Variants in CAMTA1 observed in about 807,000 individuals in gnomAD.
CAMTA1 encodes calmodulin binding transcription activator 1.
Under a neutral mutation model 170.9 loss-of-function variants are expected in CAMTA1, and 27 were observed. The observed-to-expected ratio is 0.16, with a 90% CI of 0.12 to 0.22. The LOEUF is 0.22. CAMTA1 is among the 10% of genes least tolerant of loss of function. CAMTA1 has a pLI of 1.00. For missense variants in CAMTA1, 1,619 were observed against 2,217.2 expected, an observed-to-expected ratio of 0.73 and a Z score of 5.42; for synonymous variants, 833 against 891.5, an observed-to-expected ratio of 0.93 and a Z score of 1.17.
intron 16 of CAMTA1, among the ~76,000 whole-genome samples, chr1:7,743,025 T>G (rs1306282255): frequency 2.0e-5 from 3 of 151,944 alleles, no homozygotes; most frequent in African/African-American, 4.8e-5. Context: ...ATTTTGGGGG[T>G]TTTTTTGGGT....
intron 4 of CAMTA1, among the ~76,000 whole-genome samples, chr1:7,171,144 T>A (rs1209309662): frequency 6.6e-6 from 1 of 151,940 alleles, no homozygotes; most frequent in African/African-American, 2.4e-5. Flanking sequence ...TGAAAAATGT[T>A]TTCAACCTGT....
chr1:7,283,130 A>T (rs1373690046), intron 5 of CAMTA1, among the ~76,000 whole-genome samples: 1 of 152,172 alleles, frequency 6.6e-6, no homozygotes, highest in African/African-American at 2.4e-5. Flanking sequence ...ACGAAAAAAA[A>T]TCTCTAACCT....
chr1:7,163,594 A>G lies in CAMTA1; in HGVS notation c.302+72223A>G, dbSNP rs556382969. ...ATTGGTAACAGGGAACAAGGAGGAC[A>G]TCAATTTAGCTCTAGGCTCTGCAAT... is the stretch of plus-strand genomic sequence containing the variant. On this transcript the variant is annotated intron_variant, in intron 4 of 22. Transcript: ENST00000303635. Among the ~76,000 whole-genome samples the G allele has an allele frequency of 1.4e-4, 22 of 152,300 alleles. No individual in the cohort carries two copies. In the South Asian group the frequency reaches 4.6e-3, roughly 32 times the overall value.
At chr1:7,408,030 G>T (rs542395703) in intron 5 of CAMTA1, among the ~76,000 whole-genome samples, 2 of 152,186 alleles carry the variant, frequency 1.3e-5, no homozygotes, top group Non-Finnish European at 2.9e-5. Context: ...GTGGGAGAAA[G>T]GTTGGAAGCA....
intron 11 of CAMTA1, among the ~76,000 whole-genome samples, chr1:7,704,131 C>A (rs929845690): frequency 6.6e-6 from 1 of 151,220 alleles, no homozygotes; most frequent in African/African-American, 2.4e-5. Flanking sequence ...TGCGCAGCGC[C>A]GGCTCCTCCC....
chr1:7,276,304 T>TATATATATATATATATATATATATA, intron 5 of CAMTA1, among the ~76,000 whole-genome samples: 1 of 14,942 alleles, frequency 6.7e-5, no homozygotes. Context: ...TATATATATA[T>TATATATATATATATATATATATATA]TTTTTTTTTT....
At chr1:6,930,707 G>A (rs533474574) in intron 3 of CAMTA1, among the ~76,000 whole-genome samples, 1 of 152,332 alleles carries the variant, frequency 6.6e-6, no homozygotes, top group African/African-American at 2.4e-5. Flanking sequence ...TGGGGAGCAA[G>A]GGACCATTTG....
rs571389328 is a variant in CAMTA1 at position 7,585,018 on chromosome 1, G to A, written c.511-55382G>A. Among the ~76,000 whole-genome samples, 8 of 152,190 alleles carry A rather than the reference G, an allele frequency of 5.3e-5. No homozygotes were observed. The highest frequency in any genetic ancestry group is 7.3e-5 in the Non-Finnish European group (5 of 68,038). On this transcript the variant is annotated intron_variant, in intron 6 of 22. Transcript: ENST00000303635. The surrounding 1 kb of genome is among the most constrained non-coding windows in gnomAD (Gnocchi z 4.8). The stretch of plus-strand genomic sequence containing the variant: ...CCATATATTATGTAATGTCCCCGGC[G>A]GGATGTGGAGTAGCACCCCATAATC...
intron 4 of CAMTA1, among the ~76,000 whole-genome samples, chr1:7,228,311 C>G (rs2149179513): frequency 6.6e-6 from 1 of 152,324 alleles, no homozygotes; most frequent in South Asian, 2.1e-4. Flanking sequence ...TCTTCAAGAA[C>G]TCCGGACTCA....
intron 5 of CAMTA1, chr1:7,370,395 C>T (rs749423279): frequency 6.6e-5 from 10 of 152,114 alleles, no homozygotes; most frequent in Non-Finnish European, 1.2e-4. Context: ...TAGTGCAGAA[C>T]GTTTTTCTGC....
chr1:7,507,925 C>T lies in CAMTA1; in HGVS notation c.510+40024C>T, dbSNP rs543824909. On this transcript the variant is annotated intron_variant, in intron 6 of 22. Transcript: ENST00000303635. ...CAGCTCTCCAGCGTGTGTCTGTTGA[C>T]CGAATGCTGGTCCAAGCCCCAGGGC... 5.9e-5 allele frequency among the ~76,000 whole-genome samples: 9 copies of T among 152,356 alleles called. No individual in the cohort carries two copies. The South Asian group carries it at 1.0e-3, about 18-fold the overall frequency.
chr1:6,830,722 T>C (rs1649628652), intron 3 of CAMTA1, among the ~76,000 whole-genome samples: 1 of 152,218 alleles, frequency 6.6e-6, no homozygotes, highest in African/African-American at 2.4e-5. Flanking sequence ...AATGAGTTTT[T>C]GACAAGTGTA....
At chr1:7,429,871 A>G (rs1387625363) in intron 5 of CAMTA1, among the ~76,000 whole-genome samples, 1 of 152,124 alleles carries the variant, frequency 6.6e-6, no homozygotes, top group Non-Finnish European at 1.5e-5. Context: ...ACATGGCTGG[A>G]GCAGGAGGAA....
intron 6 of CAMTA1, among the ~76,000 whole-genome samples, chr1:7,595,724 C>G (rs2095394637): frequency 2.0e-5 from 3 of 152,208 alleles, no homozygotes; most frequent in African/African-American, 7.2e-5. Context: ...TGGAGTTAGC[C>G]TTGTTTCAGA....
intron 5 of CAMTA1, among the ~76,000 whole-genome samples, chr1:7,349,344 C>G (rs975169154): frequency 6.6e-6 from 1 of 152,162 alleles, no homozygotes; most frequent in Non-Finnish European, 1.5e-5. Flanking sequence ...CGCACAGAGC[C>G]CAGCACTCAC....
At chr1:7,517,414 G>A (rs1412108302) in intron 6 of CAMTA1, among the ~76,000 whole-genome samples, 4 of 152,084 alleles carry the variant, frequency 2.6e-5, no homozygotes, top group Admixed American at 2.6e-4. Context: ...CTGTGAAATG[G>A]GTACACGAAT....
chr1:7,306,262 C>G (rs1675582472), intron 5 of CAMTA1, among the ~76,000 whole-genome samples: 1 of 151,976 alleles, frequency 6.6e-6, no homozygotes, highest in South Asian at 2.1e-4. Context: ...ACATATTGCA[C>G]TTAGAGCTAG....
rs559316662 is a variant in CAMTA1, at chr1:7,072,992, G to A, written c.235-18312G>A. Among the ~76,000 whole-genome samples the A allele has an allele frequency of 3.9e-5, 6 of 152,338 alleles. No homozygotes were observed. The East Asian group carries it at 1.2e-3, about 29-fold the overall frequency. ...GGGTCCCCCTGACTAGTGTGAAGAA[G>A]CAAGAGTGTAGGCAGGGAGATCCAA... On this transcript the variant is annotated intron_variant, in intron 3 of 22. Coordinates refer to ENST00000303635, the MANE Select transcript of CAMTA1 (RefSeq NM_015215.4).
Position 7,570,842 on chromosome 1 carries a change from G to A in CAMTA1, c.511-69558G>A, listed in dbSNP as rs1456266897. ...GGGTACGGAGACTGGAGAGAGCCTG[G>A]GAGTCAGAATCCAAGCCTGGCCTCC... On this transcript the variant is annotated intron_variant, in intron 6 of 22. Coordinates refer to ENST00000303635, the MANE Select transcript of CAMTA1 (RefSeq NM_015215.4). The surrounding 1 kb of genome is among the most constrained non-coding windows in gnomAD (Gnocchi z 4.3). Among the ~76,000 whole-genome samples the A allele has an allele frequency of 6.6e-6, 1 of 152,198 alleles. No individual in the cohort carries two copies. The highest frequency in any genetic ancestry group is 2.4e-5 in the African/African-American group (1 of 41,458).
Sources: gnomAD v4.1 joint callset for allele counts (sites outside exome capture counted in the v4.1 genomes callset) on GRCh38, gnomAD v4.1.1 for gene constraint, Gnocchi (gnomAD v3.1) non-coding constraint, MANE v1.5 for transcripts, NCBI Gene and HGNC (gene_info 2026-07-23, HGNC 2026-07-21) for gene names.